MARK3: variants seen among roughly 807,000 people sequenced by gnomAD.
MARK3 encodes the protein microtubule affinity regulating kinase 3, also known as MAP/microtubule affinity-regulating kinase 3.
MARK3 carries 46 observed loss-of-function variants against 90.1 expected under a neutral mutation model. That is an observed-to-expected ratio of 0.51 (90% confidence interval 0.40 to 0.65). MARK3 has a LOEUF of 0.65. Among genes scored for constraint, MARK3 ranks in the 30% least tolerant of loss-of-function variants. The pLI is 0.00. For missense variants in MARK3, 818 were observed against 947.2 expected, an observed-to-expected ratio of 0.86 and a Z score of 1.79; for synonymous variants, 321 against 332.6, an observed-to-expected ratio of 0.97 and a Z score of 0.38.
At position 103,442,777 on chromosome 14, in the gene MARK3, A is replaced by G. The variant is rs137996753; in HGVS notation, c.298-6142A>G. On this transcript the variant is annotated intron_variant, in intron 3 of 17. Transcript: ENST00000429436. ...ATTTGTAGCCTTAAACACATTATTA[A>G]ACAAGAATGACAAGGAATGCATTAA... 9.1e-4 allele frequency among the ~76,000 whole-genome samples: 139 copies of G among 152,358 alleles called. 2 individuals are homozygous for G. Among genetic ancestry groups the G allele is most frequent in the African/African-American group, 3.3e-3 (138 of 41,588 alleles).
intron 1 of MARK3, among the ~76,000 whole-genome samples, chr14:103,392,016 G>A (rs1009805727): frequency 6.6e-5 from 10 of 152,124 alleles, no homozygotes; most frequent in Non-Finnish European, 2.9e-5. Flanking sequence ...GCCTGGTAAT[G>A]TTATTGGCCA....
chr14:103,491,815 ACAGTAT>A lies in MARK3; in HGVS notation c.1631_1636del (p.Ile544_Ser545del). ...CAGAGAACTCCAGTTGCTTCAACACACAGTATCAGTAGTGCAGCCACCCCAGATCGA... is the reference window on the plus strand; with the variant it reads ...CAGAGAACTCCAGTTGCTTCAACACACAGTAGTGCAGCCACCCCAGATCGA... On this transcript the variant is annotated inframe_deletion, in exon 15 of 18. Transcript: ENST00000429436. 6.2e-7 allele frequency: 1 copy of A among 1,614,156 alleles called. No individual in the cohort carries two copies. The highest frequency in any genetic ancestry group is 8.5e-7 in the Non-Finnish European group (1 of 1,180,024).
Position 103,405,054 on chromosome 14 carries a change from C to T in MARK3, c.52-22C>T, listed in dbSNP as rs1305294787. 2.5e-6 allele frequency: 4 copies of T among 1,596,820 alleles called. No homozygotes were observed. The African/African-American group carries it at 5.4e-5, about 22-fold the overall frequency. On this transcript the variant is annotated intron_variant, in intron 1 of 17. Coordinates refer to ENST00000429436, the MANE Select transcript of MARK3 (RefSeq NM_001128918.3). ...ACTCTGTGTTCTCTCATTTCCTTAT[C>T]TTTGTGTATGCTGTATTGCAGCACA...
chr14:103,427,494 T>G (rs1409096334), intron 2 of MARK3, among the ~76,000 whole-genome samples: 1 of 11,810 alleles, frequency 8.5e-5, no homozygotes, highest in African/African-American at 1.8e-4. Flanking sequence ...AGGGAGACTG[T>G]TTCAAAAAAA....
chr14:103,478,013 G>A (rs1331395372), intron 13 of MARK3, among the ~76,000 whole-genome samples: 2 of 54,298 alleles, frequency 3.7e-5, no homozygotes, highest in Admixed American at 1.7e-4. Flanking sequence ...AAAAAAAAAA[G>A]TGGCCGGGCG....
chr14:103,423,787 G>A (rs2092309006), intron 2 of MARK3, among the ~76,000 whole-genome samples: 1 of 152,228 alleles, frequency 6.6e-6, no homozygotes, highest in Non-Finnish European at 1.5e-5. Context: ...TTTCACTCTG[G>A]GGACATAGTT....
At chr14:103,416,266 C>G (rs997120098) in intron 2 of MARK3, among the ~76,000 whole-genome samples, 3 of 152,192 alleles carry the variant, frequency 2.0e-5, no homozygotes, top group African/African-American at 7.2e-5. Flanking sequence ...GTAGCTCTTT[C>G]TAGGCACAGA....
At chr14:103,460,306 C>T (rs576819333) in intron 6 of MARK3, among the ~76,000 whole-genome samples, 1 of 151,834 alleles carries the variant, frequency 6.6e-6, no homozygotes, top group African/African-American at 2.4e-5. Flanking sequence ...AGGATGGTCT[C>T]GATCTCCTGA....
intron 6 of MARK3, among the ~76,000 whole-genome samples, chr14:103,461,483 T>C (rs1352896678): frequency 6.6e-6 from 1 of 152,202 alleles, no homozygotes; most frequent in African/African-American, 2.4e-5. Flanking sequence ...GAGGAATCCT[T>C]AATAGTGCAC....
At chr14:103,459,956 A>ATGGG (rs1230235113) in intron 6 of MARK3, among the ~76,000 whole-genome samples, 1 of 149,920 alleles carries the variant, frequency 6.7e-6, no homozygotes, top group East Asian at 2.0e-4. Flanking sequence ...TCATCACCAG[A>ATGGG]TGGGTTTTCC....
At chr14:103,439,323 T>A (rs1211368477) in intron 3 of MARK3, among the ~76,000 whole-genome samples, 1 of 152,218 alleles carries the variant, frequency 6.6e-6, no homozygotes, top group African/African-American at 2.4e-5. Context: ...TATTATTTTC[T>A]TGCTTTGTCC....
At chr14:103,426,239 T>C (rs1595612182) in intron 2 of MARK3, among the ~76,000 whole-genome samples, 1 of 151,438 alleles carries the variant, frequency 6.6e-6, no homozygotes, top group South Asian at 2.1e-4. Context: ...ATAATGTGCT[T>C]ATTGTTATTT....
intron 14 of MARK3, among the ~76,000 whole-genome samples, chr14:103,482,175 A>G (rs1306395051): frequency 6.6e-6 from 1 of 152,140 alleles, no homozygotes; most frequent in East Asian, 1.9e-4. Context: ...ATATCAATAG[A>G]AGACTTAATT....
intron 1 of MARK3, among the ~76,000 whole-genome samples, chr14:103,394,123 T>C (rs142606254): frequency 6.6e-6 from 1 of 152,324 alleles, no homozygotes; most frequent in African/African-American, 2.4e-5. Flanking sequence ...TCAGGGAATA[T>C]TCCGTGACTT....
chr14:103,472,142 G>A (rs1457352676), intron 12 of MARK3, among the ~76,000 whole-genome samples: 3 of 150,984 alleles, frequency 2.0e-5, no homozygotes, highest in Non-Finnish European at 4.4e-5. Flanking sequence ...CCCGGGAGGC[G>A]GAGCTTGCAG....
At chr14:103,413,799 T>C (rs2091803656) in intron 2 of MARK3, among the ~76,000 whole-genome samples, 3 of 152,106 alleles carry the variant, frequency 2.0e-5, no homozygotes, top group Admixed American at 1.3e-4. Context: ...TGGGATCATA[T>C]GGTATGTAAC....
At chr14:103,459,862 TA>T (rs557207333) in intron 6 of MARK3, among the ~76,000 whole-genome samples, 63 of 151,878 alleles carry the variant, frequency 4.1e-4, no homozygotes, top group Admixed American at 3.2e-3. Flanking sequence ...TTACTTTGAC[TA>T]AGTAAAACAA....
intron 1 of MARK3, among the ~76,000 whole-genome samples, chr14:103,404,545 G>T (rs761189495): frequency 6.6e-6 from 1 of 152,196 alleles, no homozygotes; most frequent in Non-Finnish European, 1.5e-5. Flanking sequence ...TACAACAAGG[G>T]TCGTCTATTA....
chr14:103,491,196 T>TA (rs2094009616), intron 14 of MARK3: 2 of 1,038,040 alleles, frequency 1.9e-6, no homozygotes, highest in African/African-American at 1.7e-5. Context: ...GAGATTTTGT[T>TA]ACAGTTGTCC....
Sources: gnomAD v4.1 joint callset for allele counts (sites outside exome capture counted in the v4.1 genomes callset) on GRCh38, gnomAD v4.1.1 for gene constraint, MANE v1.5 for transcripts, NCBI Gene and HGNC (gene_info 2026-07-23, HGNC 2026-07-21) for gene names.